The following CFAP96 variants were observed in gnomAD, a reference collection of about 807,000 sequenced individuals.
CFAP96 encodes cilia and flagella associated protein 96.
the CFAP96 span, among the ~76,000 whole-genome samples, chr4:185,446,199 C>G: frequency 6.6e-6 from 1 of 152,172 alleles, no homozygotes; most frequent in African/African-American, 2.4e-5. Flanking sequence ...TATTTATCAG[C>G]AGAACTAATC....
chr4:185,440,598 A>G, the CFAP96 span: 1 of 1,535,798 alleles, frequency 6.5e-7, no homozygotes, highest in African/African-American at 1.4e-5. Flanking sequence ...TTAAATCTTC[A>G]CCCAAGGGAC....
chr4:185,419,047 C>T, the CFAP96 span, among the ~76,000 whole-genome samples: 2 of 152,094 alleles, frequency 1.3e-5, no homozygotes, highest in Non-Finnish European at 2.9e-5. Flanking sequence ...TTCATCACTC[C>T]AAAAAGAAAC....
At chr4:185,415,215 A>G in the CFAP96 span, 1 of 1,607,080 alleles carries the variant, frequency 6.2e-7, no homozygotes, top group Non-Finnish European at 8.5e-7. Flanking sequence ...TTGTTACAAG[A>G]TTTTTTTTCC....
chr4:185,443,921 CTTTTTTTTTTTTTTTTTTT>C, the CFAP96 span, among the ~76,000 whole-genome samples: 1,254 of 82,848 alleles, frequency 0.015, 107 homozygotes, highest in African/African-American at 0.054. Context: ...CTATATCTTT[CTTTTTTTTTTTTTTTTTTT>C]TTTTTTTTTT....
At chr4:185,430,154 C>T in the CFAP96 span, among the ~76,000 whole-genome samples, 2 of 152,154 alleles carry the variant, frequency 1.3e-5, no homozygotes, top group South Asian at 4.1e-4. Flanking sequence ...AGAAGGCCAT[C>T]CATTGTTACC....
At chr4:185,439,953 TG>T in the CFAP96 span, among the ~76,000 whole-genome samples, 3 of 146,018 alleles carry the variant, frequency 2.1e-5, no homozygotes, top group East Asian at 2.0e-4. Context: ...ATCATATATA[TG>T]ATATATACAT....
chr4:185,418,071 C>CACACACACACACACA, the CFAP96 span, among the ~76,000 whole-genome samples: 16 of 151,696 alleles, frequency 1.1e-4, no homozygotes, highest in South Asian at 4.2e-4. Flanking sequence ...CACACACAAA[C>CACACACACACACACA]AACAGAACCA....
the CFAP96 span, among the ~76,000 whole-genome samples, chr4:185,427,945 G>T: frequency 2.7e-5 from 4 of 150,902 alleles, no homozygotes; most frequent in Admixed American, 6.6e-5. Context: ...AGTTAGCTGG[G>T]CGTGGTGGCA....
the CFAP96 span, among the ~76,000 whole-genome samples, chr4:185,419,163 G>A: frequency 3.3e-5 from 5 of 150,998 alleles, no homozygotes; most frequent in South Asian, 6.3e-4. Flanking sequence ...ATGGAGTCTC[G>A]CTCTGTCGCC....
At chr4:185,425,886 G>C in the CFAP96 span, 1 of 1,599,588 alleles carries the variant, frequency 6.3e-7, no homozygotes, top group Non-Finnish European at 8.5e-7. Context: ...ACGTGGCGGT[G>C]ACACGGGCGC....
the CFAP96 span, among the ~76,000 whole-genome samples, chr4:185,423,939 C>G: frequency 2.7e-3 from 416 of 152,174 alleles, no homozygotes; most frequent in African/African-American, 5.4e-3. Flanking sequence ...GCTGAAGAAC[C>G]ATAGTACACA....
the CFAP96 span, among the ~76,000 whole-genome samples, chr4:185,434,865 C>T: frequency 1.2e-3 from 185 of 152,316 alleles, no homozygotes; most frequent in African/African-American, 4.4e-3. Flanking sequence ...CTCAGCCTCC[C>T]AAGTAGCTGG....
At chr4:185,432,212 T>C in the CFAP96 span, 1 of 1,547,874 alleles carries the variant, frequency 6.5e-7, no homozygotes, top group South Asian at 1.2e-5. Context: ...GTAAGTGTTT[T>C]TTGGGAAAAG....
the CFAP96 span, among the ~76,000 whole-genome samples, chr4:185,437,525 A>C: frequency 6.6e-6 from 1 of 152,230 alleles, no homozygotes; most frequent in Non-Finnish European, 1.5e-5. Context: ...AAAAAATTTT[A>C]AATACCAGTG....
the CFAP96 span, chr4:185,449,732 G>A: frequency 5.8e-6 from 5 of 866,580 alleles, no homozygotes; most frequent in Non-Finnish European, 8.6e-6. Flanking sequence ...AAGATGTTAT[G>A]GAGCAGATAG....
chr4:185,422,455 TA>T, the CFAP96 span: 1 of 1,538,134 alleles, frequency 6.5e-7, no homozygotes, highest in Non-Finnish European at 8.9e-7. Flanking sequence ...ATCAATTTTC[TA>T]ATAAAAAAGA....
At chr4:185,409,333 CT>C in the CFAP96 span, among the ~76,000 whole-genome samples, 1 of 151,994 alleles carries the variant, frequency 6.6e-6, no homozygotes, top group Admixed American at 6.6e-5. Flanking sequence ...ATGTATATGT[CT>C]TTTTTTATTA....
the CFAP96 span, among the ~76,000 whole-genome samples, chr4:185,440,171 A>G: frequency 6.6e-6 from 1 of 152,068 alleles, no homozygotes; most frequent in East Asian, 1.9e-4. Flanking sequence ...AGAAGATGTG[A>G]CACTGAAATG....
chr4:185,415,974 T>C, the CFAP96 span: 1 of 919,462 alleles, frequency 1.1e-6, no homozygotes, highest in Non-Finnish European at 1.6e-6. Context: ...GAAAAAAATT[T>C]AAGACTAGCC....
Sources: gnomAD v4.1 joint callset for allele counts (sites outside exome capture counted in the v4.1 genomes callset) on GRCh38, gnomAD v4.1.1 for gene constraint, MANE v1.5 for transcripts, NCBI Gene and HGNC (gene_info 2026-07-23, HGNC 2026-07-21) for gene names.